ARHGAP28: variants seen among roughly 807,000 people sequenced by gnomAD.
The protein encoded by ARHGAP28 is Rho GTPase activating protein 28.
ARHGAP28 carries 56 observed loss-of-function variants against 90.7 expected under a neutral mutation model. That is an observed-to-expected ratio of 0.62 (90% CI 0.50 to 0.77). The LOEUF (loss-of-function observed/expected upper bound fraction) is 0.77, where lower values mean the gene tolerates loss of function less well. Among genes scored for constraint, ARHGAP28 ranks in the 30% least tolerant of loss-of-function variants. The pLI is 0.00. For synonymous variants in ARHGAP28, 308 were observed against 323.3 expected, an observed-to-expected ratio of 0.95 and a Z score of 0.51; for missense variants, 869 against 900.9, an observed-to-expected ratio of 0.96 and a Z score of 0.45.
chr18:6,881,560 T>C lies in ARHGAP28; in HGVS notation c.1291-577T>C, dbSNP rs537110443. ...ACAGTGTTCCAAACCTTACAAAGGA[T>C]TGGGCAAGCATGCAAACATGTGGAA... On this transcript the variant is annotated intron_variant, in intron 10 of 17. Coordinates refer to ENST00000383472, the MANE Select transcript of ARHGAP28 (RefSeq NM_001366230.1). Among the ~76,000 whole-genome samples the C allele has an allele frequency of 7.2e-5, 11 of 152,294 alleles. No individual in the cohort carries two copies. In the South Asian group the frequency reaches 1.2e-3, roughly 17 times the overall value.
intron 1 of ARHGAP28, among the ~76,000 whole-genome samples, chr18:6,814,978 C>T (rs1363819547): frequency 1.3e-5 from 2 of 152,062 alleles, no homozygotes; most frequent in South Asian, 2.1e-4. Context: ...TCCTGAGTAG[C>T]CCCTAATTGG....
intron 10 of ARHGAP28, among the ~76,000 whole-genome samples, chr18:6,881,782 G>C (rs1382428832): frequency 6.6e-6 from 1 of 152,124 alleles, no homozygotes; most frequent in East Asian, 1.9e-4. Flanking sequence ...GAAAAGAGGG[G>C]GAACGGAGAC....
Position 6,904,159 on chromosome 18 carries a change from C to T in ARHGAP28, c.2031-4801C>T, listed in dbSNP as rs151214671. 3.4e-3 allele frequency among the ~76,000 whole-genome samples: 514 copies of T among 152,244 alleles called. 1 individual carries two copies. Among genetic ancestry groups the T allele is most frequent in the African/African-American group, 0.012 (486 of 41,554 alleles). On this transcript the variant is annotated intron_variant, in intron 16 of 17. Coordinates refer to ENST00000383472, the MANE Select transcript of ARHGAP28 (RefSeq NM_001366230.1). ...CTGTAATCCTAGCACTTTGGGAGAC[C>T]GAGGCAGGCGGAATACCTGAGGTCA...
chr18:6,841,197 CTCTCTCCTCTCCT>C (rs1439719018), intron 3 of ARHGAP28, among the ~76,000 whole-genome samples: 1,045 of 65,526 alleles, frequency 0.016, 40 homozygotes, highest in South Asian at 0.082. Flanking sequence ...CTCTCTCTCT[CTCTCTCCTCTCCT>C]CTCTCTCTCT....
At chr18:6,897,536 G>A (rs919580309) in intron 16 of ARHGAP28, 2 of 152,178 alleles carry the variant, frequency 1.3e-5, no homozygotes, top group South Asian at 2.1e-4. Flanking sequence ...TAAAGGATGA[G>A]AAGCACTCAT....
At chr18:6,876,914 C>T (rs1423915618) in intron 10 of ARHGAP28, among the ~76,000 whole-genome samples, 1 of 152,148 alleles carries the variant, frequency 6.6e-6, no homozygotes, top group Non-Finnish European at 1.5e-5. Context: ...CATAAAAATC[C>T]AGCAAAACAT....
intron 16 of ARHGAP28, among the ~76,000 whole-genome samples, chr18:6,899,038 A>T (rs1048307678): frequency 2.0e-5 from 3 of 152,158 alleles, no homozygotes; most frequent in African/African-American, 7.2e-5. Context: ...GGAAAGAAAA[A>T]ACTTTTAAAA....
intron 1 of ARHGAP28, among the ~76,000 whole-genome samples, chr18:6,752,456 T>G (rs1411453982): frequency 6.6e-6 from 1 of 152,202 alleles, no homozygotes; most frequent in Non-Finnish European, 1.5e-5. Context: ...GCGCTTCACT[T>G]TAAAATTTCT....
chr18:6,800,116 C>G (rs566645004), intron 1 of ARHGAP28, among the ~76,000 whole-genome samples: 2 of 152,298 alleles, frequency 1.3e-5, no homozygotes, highest in South Asian at 4.1e-4. Flanking sequence ...AAAAGCTCAT[C>G]ATCACTGGTC....
chr18:6,909,742 T>C (rs2057386127), intron 17 of ARHGAP28, among the ~76,000 whole-genome samples: 1 of 152,098 alleles, frequency 6.6e-6, no homozygotes, highest in Non-Finnish European at 1.5e-5. Context: ...ATTCTTTCTA[T>C]TTCCCTGGGG....
intron 5 of ARHGAP28, 137 bp from the exon 6 acceptor site, chr18:6,868,013 G>A: frequency 1.5e-6 from 1 of 663,046 alleles, no homozygotes; most frequent in East Asian, 2.7e-5. Flanking sequence ...TCAGATGCCG[G>A]TCCTTTATGA....
chr18:6,880,125 C>T lies in ARHGAP28; in HGVS notation c.1291-2012C>T, dbSNP rs762397054. ...GCTTTACTGCAGTGGTACCAGGCGA[C>T]TGATGGGAAATGCTTACTCCTCCTC... On this transcript the variant is annotated intron_variant, in intron 10 of 17. Coordinates refer to ENST00000383472, the MANE Select transcript of ARHGAP28 (RefSeq NM_001366230.1). 1.6e-4 allele frequency among the ~76,000 whole-genome samples: 24 copies of T among 152,288 alleles called. 1 individual carries two copies. The highest frequency in any genetic ancestry group is 5.9e-4 in the Admixed American group (9 of 15,300).
At chr18:6,752,075 T>C (rs1200037182) in intron 1 of ARHGAP28, among the ~76,000 whole-genome samples, 1 of 152,252 alleles carries the variant, frequency 6.6e-6, no homozygotes, top group Non-Finnish European at 1.5e-5. Flanking sequence ...ATATTTTAAC[T>C]ATTAAATAAT....
intron 9 of ARHGAP28, among the ~76,000 whole-genome samples, chr18:6,875,673 A>G (rs2057125660): frequency 6.6e-6 from 1 of 152,214 alleles, no homozygotes; most frequent in Non-Finnish European, 1.5e-5. Context: ...AGAACTCACG[A>G]AAGCTATTAA....
Position 6,894,876 on chromosome 18 carries a change from C to T in ARHGAP28, c.1890C>T (p.Pro630=), listed in dbSNP as rs1336733393. The T allele has an allele frequency of 6.2e-7, 1 of 1,613,932 alleles. No homozygotes were observed. The highest frequency in any genetic ancestry group is 8.5e-7 in the Non-Finnish European group (1 of 1,179,992). ...PKTSKVLQKS[P]SARRMSDVPE... is the part of the protein sequence containing the mutation. ...CTTCAAAGGTACTGCAAAAATCACCCTCGGCAAGACGAATGGTAAGAAAAA... is the reference window on the plus strand; with the variant it reads ...CTTCAAAGGTACTGCAAAAATCACCTTCGGCAAGACGAATGGTAAGAAAAA... The change falls in exon 15 of 18, where the codon CCC becomes CCT. Residue 630 remains proline (P), a synonymous_variant. Coordinates refer to ENST00000383472, the MANE Select transcript of ARHGAP28 (RefSeq NM_001366230.1).
At chr18:6,898,769 C>T in intron 16 of ARHGAP28, 1 of 1,255,996 alleles carries the variant, frequency 8.0e-7, no homozygotes, top group Non-Finnish European at 1.0e-6. Context: ...TTCAAAAAAT[C>T]TTAGTAACTC....
chr18:6,850,945 T>A (rs2056905532), intron 3 of ARHGAP28, 89 bp from the exon 4 acceptor site: 7 of 1,563,358 alleles, frequency 4.5e-6, no homozygotes, highest in South Asian at 1.1e-5. Flanking sequence ...TACATATATA[T>A]AAAAACTCTA....
At chr18:6,774,853 A>G (rs1052993810) in intron 1 of ARHGAP28, among the ~76,000 whole-genome samples, 2 of 152,148 alleles carry the variant, frequency 1.3e-5, no homozygotes, top group African/African-American at 2.4e-5. Context: ...TACAGGAAAG[A>G]GGTTTGCTGG....
intron 4 of ARHGAP28, among the ~76,000 whole-genome samples, chr18:6,854,486 C>G (rs1457568242): frequency 6.6e-6 from 1 of 152,136 alleles, no homozygotes; most frequent in Non-Finnish European, 1.5e-5. Flanking sequence ...ATATTTTCTT[C>G]TATTATGTCT....
Sources: gnomAD v4.1 joint callset for allele counts (sites outside exome capture counted in the v4.1 genomes callset) on GRCh38, gnomAD v4.1.1 for gene constraint, MANE v1.5 for transcripts, NCBI Gene and HGNC (gene_info 2026-07-23, HGNC 2026-07-21) for gene names.